METTL4: variants seen among roughly 807,000 people sequenced by gnomAD.
The protein encoded by METTL4 is N(6)-adenine-specific methyltransferase METTL4.
METTL4 carries 40 observed loss-of-function variants against 54.0 expected under a neutral mutation model. That is an observed-to-expected ratio of 0.74 (90% CI 0.58 to 0.96). The LOEUF (loss-of-function observed/expected upper bound fraction) is 0.96. METTL4 is among the 50% of genes least tolerant of loss of function. METTL4 has a pLI of 0.00. For synonymous variants in METTL4, 169 were observed against 183.8 expected (o/e 0.92, Z 0.65); for missense variants, 525 against 549.0 (o/e 0.96, Z 0.44).
At chr18:2,543,142 G>T (rs928940592) in intron 8 of METTL4, among the ~76,000 whole-genome samples, 2 of 150,882 alleles carry the variant, frequency 1.3e-5, no homozygotes, top group African/African-American at 4.9e-5. Flanking sequence ...ATTAAAAAAG[G>T]ACCCTTCTCC....
chr18:2,547,581 A>G, intron 5 of METTL4, 52 bp from the exon 6 acceptor site: 1 of 1,416,186 alleles, frequency 7.1e-7, no homozygotes, highest in Non-Finnish European at 9.6e-7. Flanking sequence ...AAAGAAGAAA[A>G]CTAAGCAGGG....
chr18:2,559,733 TG>T (rs1429935142), intron 3 of METTL4, among the ~76,000 whole-genome samples: 1 of 152,202 alleles, frequency 6.6e-6, no homozygotes, highest in African/African-American at 2.4e-5. Flanking sequence ...AACACATTTC[TG>T]TTTTTTGTTT....
At chr18:2,568,997 G>A (rs768994190) in intron 1 of METTL4, 9 of 209,634 alleles carry the variant, frequency 4.3e-5, no homozygotes, top group Non-Finnish European at 6.1e-5. Flanking sequence ...AGCCATTTCA[G>A]TGCTAGCTAA....
At chr18:2,544,543 T>G in intron 7 of METTL4, 110 bp downstream of exon 7, 1 of 759,940 alleles carries the variant, frequency 1.3e-6, no homozygotes, top group Non-Finnish European at 2.1e-6. Context: ...ACTGGACCAT[T>G]TTCAGAGTTT....
At chr18:2,559,150 T>C (rs1324129590) in intron 3 of METTL4, among the ~76,000 whole-genome samples, 1 of 152,150 alleles carries the variant, frequency 6.6e-6, no homozygotes, top group Non-Finnish European at 1.5e-5. Context: ...AGAACTGGAA[T>C]AGATATTTGT....
At chr18:2,543,247 G>A (rs550129223) in intron 8 of METTL4, among the ~76,000 whole-genome samples, 20 of 152,136 alleles carry the variant, frequency 1.3e-4, no homozygotes, top group African/African-American at 4.8e-4. Context: ...GTCATAAACT[G>A]CCTCATATTC....
chr18:2,556,523 T>G (rs1378528113), intron 3 of METTL4, among the ~76,000 whole-genome samples: 1 of 151,868 alleles, frequency 6.6e-6, no homozygotes, highest in African/African-American at 2.4e-5. Context: ...GCAGAAAAAT[T>G]TATTATAAAA....
At position 2,538,234 on chromosome 18, in the gene METTL4, A is replaced by G. The variant is rs1324387084; in HGVS notation, c.*766T>C. The G allele has an allele frequency of 3.7e-6, 1 of 268,460 alleles. No homozygotes were observed. Among genetic ancestry groups the G allele is most frequent in the African/African-American group, 2.2e-5 (1 of 45,682 alleles). The allele number at this position is 268,460 out of a possible 1,614,324, so 16.6% of individuals were successfully genotyped here. A position where few individuals can be genotyped will look rare whatever the true frequency, so the allele number is the denominator to read the frequency against. ...TGCTGCCATGTTTATTATAAGGAAT[A>G]GCTTTTCATTTTCTTCTAGAAAAAC... On this transcript the variant is annotated 3_prime_UTR_variant, in exon 9 of 9. Coordinates refer to ENST00000574538, the MANE Select transcript of METTL4 (RefSeq NM_022840.5).
intron 1 of METTL4, among the ~76,000 whole-genome samples, chr18:2,570,030 G>A (rs1414040906): frequency 1.3e-5 from 2 of 152,212 alleles, no homozygotes; most frequent in Non-Finnish European, 2.9e-5. Flanking sequence ...GTCCTTGGTG[G>A]TTAAACCTGG....
intron 3 of METTL4, among the ~76,000 whole-genome samples, chr18:2,557,125 TGAG>T (rs1473624734): frequency 6.6e-6 from 1 of 151,186 alleles, no homozygotes; most frequent in Non-Finnish European, 1.5e-5. Context: ...ATCCCTGAGT[TGAG>T]GAGATGGAAC....
In METTL4 at chr18:2,559,447, G is replaced by C. The variant is rs1054790246; in HGVS notation, c.459+4350C>G. 3.3e-4 allele frequency among the ~76,000 whole-genome samples: 49 copies of C among 147,396 alleles called. No individual in the cohort carries two copies. In the Middle Eastern group the frequency reaches 0.017, roughly 52 times the overall value. The stretch of plus-strand genomic sequence containing the variant: ...ACTAGTTACCAGGCAGCAGGGGAAG[G>C]GGGAGTGGGGAGTTACTATTTAATG... On this transcript the variant is annotated intron_variant, in intron 3 of 8. Transcript: ENST00000574538.
rs748856731 is a variant in METTL4, at chr18:2,547,511, G to A, written c.918C>T (p.Pro306=). The change falls in exon 6 of 9, where the codon CCC becomes CCT. Residue 306 remains proline (P), a synonymous_variant. Coordinates refer to ENST00000574538, the MANE Select transcript of METTL4 (RefSeq NM_022840.5). Reference sequence around the variant, plus strand: ...GGATAGGTATTTGCTGTATTTGCAGGGGTGACAAATAACTGTACCTAAAAA... The same window carrying A: ...GGATAGGTATTTGCTGTATTTGCAGAGGTGACAAATAACTGTACCTAAAAA... ...KRSNRYSYLS[P]LQIQQIPIPK... The A allele has an allele frequency of 2.1e-5, 33 of 1,584,442 alleles. No homozygotes were observed. The highest frequency in any genetic ancestry group is 2.7e-5 in the Non-Finnish European group (32 of 1,168,710).
At chr18:2,565,151 CA>C (rs1209249190) in intron 2 of METTL4, among the ~76,000 whole-genome samples, 1 of 151,982 alleles carries the variant, frequency 6.6e-6, no homozygotes, top group Non-Finnish European at 1.5e-5. Context: ...TGGTGGTGGA[CA>C]CACATAATCC....
intron 7 of METTL4, 91 bp downstream of exon 7, chr18:2,544,560 CAT>C (rs922054672): frequency 3.5e-6 from 3 of 858,244 alleles, no homozygotes; most frequent in African/African-American, 1.7e-5. Context: ...GTTTCAAAAA[CAT>C]AAACATTTTA....
rs755938301 is a variant in METTL4 at position 2,567,019 on chromosome 18, G to C, written c.198C>G (p.Asp66Glu). The change falls in exon 2 of 9, where the codon GAC becomes GAG. Residue 66 changes from aspartate to glutamate, a missense_variant. Coordinates refer to ENST00000574538, the MANE Select transcript of METTL4 (RefSeq NM_022840.5). The part of the protein sequence containing the change: ...SGVCAAFIAS[D>E]SSTKPENDDG... ...CATCATTCTCTGGCTTAGTGGAAGA[G>C]TCAGAAGCAATAAATGCAGCACAGA... 1.2e-6 allele frequency: 2 copies of C among 1,614,158 alleles called. No individual in the cohort carries two copies. The highest frequency in any genetic ancestry group is 2.2e-5 in the South Asian group (2 of 91,072).
At chr18:2,545,923 C>G (rs534047793) in intron 6 of METTL4, among the ~76,000 whole-genome samples, 185 of 152,184 alleles carry the variant, frequency 1.2e-3, no homozygotes, top group African/African-American at 4.0e-3. Flanking sequence ...GAACTGATAA[C>G]TACTACGGAT....
At chr18:2,543,870 T>C (rs1472220786) in intron 8 of METTL4, among the ~76,000 whole-genome samples, 1 of 152,128 alleles carries the variant, frequency 6.6e-6, no homozygotes, top group African/African-American at 2.4e-5. Flanking sequence ...ACAGCCCCGG[T>C]AGTAAAATAA....
chr18:2,540,188 T>C, intron 8 of METTL4: 1 of 985,354 alleles, frequency 1.0e-6, no homozygotes, highest in Non-Finnish European at 1.2e-6. Flanking sequence ...CAGAAACTTT[T>C]TGAAAAGCAC....
chr18:2,565,268 G>A (rs1042878538), intron 2 of METTL4, among the ~76,000 whole-genome samples: 2 of 151,518 alleles, frequency 1.3e-5, no homozygotes, highest in African/African-American at 4.9e-5. Flanking sequence ...AACAGAGCAA[G>A]ACTCCGTCTC....
Sources: gnomAD v4.1 joint callset for allele counts (sites outside exome capture counted in the v4.1 genomes callset) on GRCh38, gnomAD v4.1.1 for gene constraint, MANE v1.5 for transcripts, NCBI Gene and HGNC (gene_info 2026-07-23, HGNC 2026-07-21) for gene names.